The following RIPOR1 variants were observed in gnomAD, a reference collection of about 807,000 sequenced individuals.
The protein encoded by RIPOR1 is RHO family interacting cell polarization regulator 1.
A neutral mutation model predicts 116.5 loss-of-function variants in RIPOR1; 58 were observed. That is an observed-to-expected ratio of 0.50 (90% CI 0.40 to 0.62). RIPOR1 has a LOEUF of 0.62. RIPOR1 is among the 20% of genes least tolerant of loss of function. RIPOR1 has a pLI of 0.00. For synonymous variants in RIPOR1, 605 were observed against 650.0 expected (o/e 0.93, Z 1.05); for missense variants, 1,372 against 1,586.2 (o/e 0.86, Z 2.29).
rs565790382 is a variant in RIPOR1 at position 67,541,233 on chromosome 16, ATTTTT to A, written c.802-181_802-177del. The A allele has an allele frequency of 2.6e-4, 104 of 404,576 alleles. No homozygotes were observed. The highest frequency in any genetic ancestry group is 5.5e-4 in the South Asian group (12 of 21,902). The allele number at this position is 404,576 out of a possible 1,614,324, so 25.1% of individuals were successfully genotyped here. ...GGTGCACCACCATGCCTGGCTAAAAATTTTTTTTTTTTTTTTTTTTGAGACAGAGT... is the reference window on the plus strand; with the variant it reads ...GGTGCACCACCATGCCTGGCTAAAAATTTTTTTTTTTTTTTGAGACAGAGT... On this transcript the variant is annotated intron_variant, in intron 10 of 21. Coordinates refer to ENST00000042381, the MANE Select transcript of RIPOR1 (RefSeq NM_024519.4). This position sits in a 1 kb window ranked among gnomAD's most constrained non-coding sequence, Gnocchi z 4.6.
chr16:67,528,416 C>G (rs1312786553), upstream of RIPOR1: 1 of 152,218 alleles, frequency 6.6e-6, no homozygotes, highest in East Asian at 1.9e-4. Context: ...CAGAAGGTGC[C>G]AGGCGGCTTC....
intron 4 of RIPOR1, 46 bp from the exon 5 acceptor site, chr16:67,539,679 GTCC>G (rs2050913600): frequency 1.9e-6 from 3 of 1,611,572 alleles, no homozygotes; most frequent in South Asian, 2.2e-5. Flanking sequence ...CTCTGCTGGA[GTCC>G]TCCTCATCCC....
chr16:67,545,433 C>A lies in RIPOR1; in HGVS notation c.3089C>A (p.Pro1030Gln). The A allele has an allele frequency of 6.2e-7, 1 of 1,614,050 alleles. No individual in the cohort carries two copies. The highest frequency in any genetic ancestry group is 1.1e-5 in the South Asian group (1 of 91,086). ...CAGAAGCTGCCCAGAAGGCCCCAGC[C>A]AGGGCCTGGAGAGCAGCTCACAGTC... ...LGQKLPRRPQ[P>Q]GPGEQLTVFQ... is the part of the protein sequence containing the mutation. Residue 1030 changes from proline (P) to glutamine (Q), a missense_variant, in exon 18 of 22, where the codon CCA becomes CAA. By Grantham distance (76) the Pro-to-Gln change is moderately conservative. Transcript: ENST00000042381. The surrounding 1 kb of genome is among the most constrained non-coding windows in gnomAD (Gnocchi z 4.8).
chr16:67,527,379 C>T (rs1171012871), upstream of RIPOR1, among the ~76,000 whole-genome samples: 8 of 151,494 alleles, frequency 5.3e-5, no homozygotes, highest in Admixed American at 5.3e-4. Context: ...AGGGAGACTC[C>T]GTCCCCCAAA....
intron 1 of RIPOR1, among the ~76,000 whole-genome samples, chr16:67,522,349 C>T (rs2050502379): frequency 1.3e-5 from 2 of 151,922 alleles, no homozygotes; most frequent in East Asian, 3.9e-4. Flanking sequence ...ATTACAGGCA[C>T]ACATCACCAT....
At position 67,540,397 on chromosome 16, in the gene RIPOR1, G is replaced by A. The variant is rs1478061258; in HGVS notation, c.631+34G>A. ...TTGTGGGGGCAGGTGGGGGGCTGGA[G>A]GGAGTATGCTGAAGAACCCCAATAT... On this transcript the variant is annotated intron_variant, in intron 8 of 21. Transcript: ENST00000042381. This position sits in a 1 kb window ranked among gnomAD's most constrained non-coding sequence, Gnocchi z 4.7. 1.2e-6 allele frequency: 2 copies of A among 1,614,188 alleles called. No homozygotes were observed. Among genetic ancestry groups the A allele is most frequent in the Non-Finnish European group, 1.7e-6 (2 of 1,180,018 alleles).
At position 67,541,253 on chromosome 16, in the gene RIPOR1, TGAG is replaced by T; in HGVS notation, c.802-176_802-174del. 1.8e-6 allele frequency: 1 copy of T among 547,542 alleles called. No individual in the cohort carries two copies. The highest frequency in any genetic ancestry group is 3.1e-6 in the Non-Finnish European group (1 of 323,462). The allele number at this position is 547,542 out of a possible 1,614,324, so 33.9% of individuals were successfully genotyped here. On this transcript the variant is annotated intron_variant, in intron 10 of 21. Transcript: ENST00000042381. This position sits in a 1 kb window ranked among gnomAD's most constrained non-coding sequence, Gnocchi z 4.6. Reference sequence around the variant, plus strand: ...TAAAAATTTTTTTTTTTTTTTTTTTTGAGACAGAGTCTTGCCATGTTGCCCAAG... The same window carrying T: ...TAAAAATTTTTTTTTTTTTTTTTTTTACAGAGTCTTGCCATGTTGCCCAAG...
Position 67,529,752 on chromosome 16 carries a change from C to CT in RIPOR1, c.-24+839dup. ...AGCCTCGTGTAACAATACTTGTGCC[C>CT]TGGCTGCAGTCTGCGGGGCCGCGCC... On this transcript the variant is annotated intron_variant, in intron 1 of 21. Transcript: ENST00000042381. The surrounding 1 kb of genome is among the most constrained non-coding windows in gnomAD (Gnocchi z 4.1). 1 of 1,534,332 alleles carries CT rather than the reference C, an allele frequency of 6.5e-7. No homozygotes were observed. The highest frequency in any genetic ancestry group is 1.2e-5 in the South Asian group (1 of 83,962).
In RIPOR1 at chr16:67,522,526, G is replaced by A. The variant is rs1026635444; in HGVS notation, c.-24+3913G>A. On this transcript the variant is annotated intron_variant, in intron 1 of 1. Coordinates refer to the RIPOR1 transcript ENST00000562116. The stretch of plus-strand genomic sequence containing the variant: ...CAATTTTTGTATTTTTAGTAGAGAC[G>A]GGGTTTCACCATATTGGCCAGGATG... 2.6e-5 allele frequency among the ~76,000 whole-genome samples: 4 copies of A among 151,836 alleles called. No homozygotes were observed. The East Asian group carries it at 7.7e-4, about 29-fold the overall frequency.
At chr16:67,536,477 G>A (rs973298852) in intron 1 of RIPOR1, among the ~76,000 whole-genome samples, 15 of 152,090 alleles carry the variant, frequency 9.9e-5, no homozygotes, top group African/African-American at 3.4e-4. Context: ...GGATGGGAAC[G>A]CAGAACCTGA....
Position 67,538,980 on chromosome 16 carries a change from C to T in RIPOR1, c.258-10C>T. 2 of 1,613,928 alleles carry T rather than the reference C, an allele frequency of 1.2e-6. No homozygotes were observed. The highest frequency in any genetic ancestry group is 1.3e-5 in the African/African-American group (1 of 75,048). On this transcript the variant is annotated splice_polypyrimidine_tract_variant and intron_variant, in intron 3 of 21. Transcript: ENST00000042381. ...GCCGAGTTCATTCTTGTGGTCGCCC[C>T]TTTCCTCAGGGCCTACTTGGAAGTG...
intron 1 of RIPOR1, among the ~76,000 whole-genome samples, chr16:67,533,303 C>T (rs2050709107): frequency 6.6e-6 from 1 of 152,044 alleles, no homozygotes; most frequent in Non-Finnish European, 1.5e-5. Flanking sequence ...GATACAGAGG[C>T]CTGGTGCTCA....
Position 67,537,626 on chromosome 16 carries a change from T to G in RIPOR1, c.-23-798T>G. 7.3e-7 allele frequency: 1 copy of G among 1,374,018 alleles called. No homozygotes were observed. Among genetic ancestry groups the G allele is most frequent in the Non-Finnish European group, 9.5e-7 (1 of 1,052,664 alleles). 85.1% of individuals were successfully genotyped at this position (1,374,018 alleles called of 1,614,324 possible). On this transcript the variant is annotated intron_variant, in intron 1 of 21. Coordinates refer to ENST00000042381, the MANE Select transcript of RIPOR1 (RefSeq NM_024519.4). The surrounding 1 kb of genome is among the most constrained non-coding windows in gnomAD (Gnocchi z 4.6). ...GGACCCAGCTCGGGGCTGCGAAAGCTCAGGGACTGGCCCCAGGGGAAGCAG... is the reference window on the plus strand; with the variant it reads ...GGACCCAGCTCGGGGCTGCGAAAGCGCAGGGACTGGCCCCAGGGGAAGCAG...
chr16:67,544,415 G>A lies in RIPOR1; in HGVS notation c.2717G>A (p.Cys906Tyr). ...GCCTTGGTCCGGCACCTGTACCACT[G>A]CAGTCGCCTCCTGCTGGTGAGGCTG... ...DAALVRHLYH[C>Y]SRLLLKLGTF... is the part of the protein sequence containing the mutation. Residue 906 changes from cysteine to tyrosine, a missense_variant, in exon 15 of 22, where the codon TGC (cysteine) becomes TAC (tyrosine). Physicochemically the swap from Cys to Tyr is radical, Grantham distance 194. Coordinates refer to ENST00000042381, the MANE Select transcript of RIPOR1 (RefSeq NM_024519.4). The surrounding 1 kb of genome is among the most constrained non-coding windows in gnomAD (Gnocchi z 5.1). The A allele has an allele frequency of 1.9e-6, 3 of 1,611,050 alleles. No individual in the cohort carries two copies. Among genetic ancestry groups the A allele is most frequent in the Non-Finnish European group, 2.5e-6 (3 of 1,179,140 alleles).
At chr16:67,525,895 TC>T (rs2050535867), upstream of RIPOR1, among the ~76,000 whole-genome samples, 2 of 152,114 alleles carry the variant, frequency 1.3e-5, no homozygotes, top group Admixed American at 1.3e-4. Flanking sequence ...GTTCTTGCCT[TC>T]CCTGAGCTTC....
chr16:67,540,628 A>G lies in RIPOR1; in HGVS notation c.725A>G (p.Glu242Gly). Residue 242 changes from glutamate (E) to glycine (G), a missense_variant, in exon 10 of 22, where the codon GAG becomes GGG. Glu to Gly is a moderately conservative substitution (Grantham distance 98). Transcript: ENST00000042381. The surrounding 1 kb of genome is among the most constrained non-coding windows in gnomAD (Gnocchi z 4.7). ...RQRWKLRGRI[E>G]GSGKQVWDSE... ...CGCTGGAAACTACGGGGCCGAATTG[A>G]GGGTAGTGGAAAGCAGGTGTGGGAC... is the stretch of plus-strand genomic sequence containing the variant. The G allele has an allele frequency of 6.2e-7, 1 of 1,613,870 alleles. No individual in the cohort carries two copies. Among genetic ancestry groups the G allele is most frequent in the Non-Finnish European group, 8.5e-7 (1 of 1,179,874 alleles).
rs1468917789 is a variant in RIPOR1, at chr16:67,540,050, C to G, written c.415-3C>G. On this transcript the variant is annotated splice_polypyrimidine_tract_variant and splice_region_variant and intron_variant, in intron 6 of 21. Transcript: ENST00000042381. The surrounding 1 kb of genome is among the most constrained non-coding windows in gnomAD (Gnocchi z 4.7). ...CCTACTGTCACCCCACTCACCTTCC[C>G]AGATCGATGAGCTGTATGAGGCATA... 6.2e-7 allele frequency: 1 copy of G among 1,614,158 alleles called. No homozygotes were observed. Among genetic ancestry groups the G allele is most frequent in the East Asian group, 2.2e-5 (1 of 44,884 alleles).
chr16:67,526,249 G>A (rs2050538911), upstream of RIPOR1, among the ~76,000 whole-genome samples: 1 of 152,196 alleles, frequency 6.6e-6, no homozygotes, highest in African/African-American at 2.4e-5. Context: ...CTAGGCAGAA[G>A]GGAGGCTGGG....
intron 1 of RIPOR1, among the ~76,000 whole-genome samples, chr16:67,533,590 A>G (rs2050716989): frequency 6.6e-6 from 1 of 151,988 alleles, no homozygotes; most frequent in African/African-American, 2.4e-5. Flanking sequence ...GGATAAGGAT[A>G]AAACATGGGC....
Sources: gnomAD v4.1 joint callset for allele counts (sites outside exome capture counted in the v4.1 genomes callset) on GRCh38, gnomAD v4.1.1 for gene constraint, Gnocchi (gnomAD v3.1) non-coding constraint, MANE v1.5 for transcripts, NCBI Gene and HGNC (gene_info 2026-07-23, HGNC 2026-07-21) for gene names.